Variants in CAMTA1 observed in about 807,000 individuals in gnomAD.
The protein encoded by CAMTA1 is calmodulin-binding transcription activator 1.
In CAMTA1, 27 loss-of-function variants were observed where a neutral mutation model predicts 170.9. The observed-to-expected ratio is 0.16, with a 90% confidence interval of 0.12 to 0.22. The LOEUF (loss-of-function observed/expected upper bound fraction) is 0.22. CAMTA1 is among the 10% of genes least tolerant of loss of function. CAMTA1 has a pLI of 1.00. For synonymous variants in CAMTA1, 833 were observed against 891.5 expected, an observed-to-expected ratio of 0.93 and a Z score of 1.17; for missense variants, 1,619 against 2,217.2, an observed-to-expected ratio of 0.73 and a Z score of 5.42.
intron 12 of CAMTA1, among the ~76,000 whole-genome samples, chr1:7,734,946 A>T (rs1414353307): frequency 2.0e-5 from 3 of 152,190 alleles, no homozygotes; most frequent in East Asian, 1.9e-4. Context: ...GACTCACATA[A>T]GCTGTTGAAG....
At chr1:7,489,477 G>C (rs572373529) in intron 6 of CAMTA1, among the ~76,000 whole-genome samples, 1 of 152,154 alleles carries the variant, frequency 6.6e-6, no homozygotes, top group African/African-American at 2.4e-5. Context: ...TCTGCATCTC[G>C]TTCTCCAGGT....
intron 5 of CAMTA1, among the ~76,000 whole-genome samples, chr1:7,393,830 C>T (rs1305573983): frequency 2.0e-5 from 3 of 152,112 alleles, no homozygotes; most frequent in African/African-American, 7.2e-5. Context: ...TATTTTTATA[C>T]TCATTAACCA....
intron 6 of CAMTA1, among the ~76,000 whole-genome samples, chr1:7,483,485 T>A (rs1233840283): frequency 6.6e-6 from 1 of 152,134 alleles, no homozygotes; most frequent in Non-Finnish European, 1.5e-5. Context: ...TGCAGCCCCC[T>A]CAGATCGCAG....
At chr1:6,925,511 C>T (rs938884898) in intron 3 of CAMTA1, among the ~76,000 whole-genome samples, 21 of 152,262 alleles carry the variant, frequency 1.4e-4, no homozygotes, top group African/African-American at 3.9e-4. Context: ...AGGCTGTGCT[C>T]GATCTTTCCA....
At chr1:7,233,895 C>T (rs1663309629) in intron 4 of CAMTA1, among the ~76,000 whole-genome samples, 3 of 152,132 alleles carry the variant, frequency 2.0e-5, no homozygotes, top group Non-Finnish European at 1.5e-5. Flanking sequence ...GGGTCATAAC[C>T]CCTCTGCCCT....
At chr1:7,669,360 C>G (rs975381104) in intron 9 of CAMTA1, among the ~76,000 whole-genome samples, 1 of 152,392 alleles carries the variant, frequency 6.6e-6, no homozygotes, top group Admixed American at 6.5e-5. Flanking sequence ...CTCACTCCTG[C>G]TGCAGATGCC....
chr1:7,630,020 A>C (rs372817929), intron 6 of CAMTA1, among the ~76,000 whole-genome samples: 2 of 152,146 alleles, frequency 1.3e-5, no homozygotes, highest in African/African-American at 4.8e-5. Flanking sequence ...TACTCATTAA[A>C]ATTTAGTGTC....
chr1:7,107,301 T>TGTGTGCGC (rs765615131), intron 4 of CAMTA1, among the ~76,000 whole-genome samples: 45 of 151,158 alleles, frequency 3.0e-4, no homozygotes, highest in African/African-American at 1.1e-3. Context: ...TGTGTGTGTG[T>TGTGTGCGC]GCGCGCCCAC....
At chr1:7,162,271 G>A (rs1018920925) in intron 4 of CAMTA1, among the ~76,000 whole-genome samples, 1 of 152,196 alleles carries the variant, frequency 6.6e-6, no homozygotes, top group African/African-American at 2.4e-5. Context: ...GACGCCATTC[G>A]AAGGTTTTAA....
intron 5 of CAMTA1, among the ~76,000 whole-genome samples, chr1:7,352,718 G>A (rs1313823643): frequency 6.6e-6 from 1 of 152,222 alleles, no homozygotes; most frequent in African/African-American, 2.4e-5. Context: ...TCTGGTTGCT[G>A]GGAAGTGGGG....
chr1:7,147,829 A>C (rs974054878), intron 4 of CAMTA1, among the ~76,000 whole-genome samples: 1 of 150,314 alleles, frequency 6.7e-6, no homozygotes, highest in African/African-American at 2.5e-5. Flanking sequence ...ATGCACACAC[A>C]CAAACTCATA....
intron 5 of CAMTA1, among the ~76,000 whole-genome samples, chr1:7,292,054 C>T (rs751006881): frequency 1.9e-4 from 29 of 152,102 alleles, no homozygotes; most frequent in African/African-American, 3.9e-4. Flanking sequence ...TGCAGAAATT[C>T]GCAATTAAAT....
At chr1:6,995,127 T>C (rs1696991263) in intron 3 of CAMTA1, among the ~76,000 whole-genome samples, 1 of 152,030 alleles carries the variant, frequency 6.6e-6, no homozygotes, top group South Asian at 2.1e-4. Flanking sequence ...TTTAAAAAAA[T>C]AAATCACCAA....
chr1:7,654,936 GCA>G (rs1252682679), intron 7 of CAMTA1, among the ~76,000 whole-genome samples: 1 of 94,476 alleles, frequency 1.1e-5, no homozygotes, highest in Admixed American at 1.1e-4. Context: ...ACACACACAA[GCA>G]CACACCTATA....
intron 4 of CAMTA1, among the ~76,000 whole-genome samples, chr1:7,148,262 C>T (rs553363844): frequency 6.6e-6 from 1 of 152,040 alleles, no homozygotes; most frequent in African/African-American, 2.4e-5. Flanking sequence ...ACACCATGCA[C>T]ACACACAAAC....
chr1:7,314,125 A>C (rs1677143935), intron 5 of CAMTA1, among the ~76,000 whole-genome samples: 1 of 152,158 alleles, frequency 6.6e-6, no homozygotes, highest in Admixed American at 6.5e-5. Context: ...GCAAGTTCTC[A>C]CACAAATGTG....
intron 5 of CAMTA1, among the ~76,000 whole-genome samples, chr1:7,291,223 C>A (rs927893996): frequency 2.0e-5 from 3 of 152,058 alleles, no homozygotes; most frequent in Admixed American, 6.5e-5. Context: ...CGAAGACGGG[C>A]AGAGACAAAG....
At chr1:7,715,389 C>G (rs958798490) in intron 11 of CAMTA1, among the ~76,000 whole-genome samples, 1 of 152,042 alleles carries the variant, frequency 6.6e-6, no homozygotes, top group Non-Finnish European at 1.5e-5. Context: ...ATTGCATAGC[C>G]CCTGAAACTG....
chr1:7,522,828 G>A (rs1178916065), intron 6 of CAMTA1, among the ~76,000 whole-genome samples: 1 of 152,102 alleles, frequency 6.6e-6, no homozygotes, highest in Admixed American at 6.5e-5. Context: ...TGTGTTTGTT[G>A]GGGCTATTTC....
Sources: allele counts gnomAD v4.1 joint callset (sites outside exome capture counted in the v4.1 genomes callset), GRCh38; gene constraint gnomAD v4.1.1; transcripts MANE v1.5; gene names NCBI Gene and HGNC (gene_info 2026-07-23, HGNC 2026-07-21).